ZNG1E: variants seen among roughly 807,000 people sequenced by gnomAD.
ZNG1E encodes zinc-regulated GTPase metalloprotein activator 1E.
At chr9:65,710,237 G>A in the ZNG1E span, among the ~76,000 whole-genome samples, 1 of 146,700 alleles carries the variant, frequency 6.8e-6, no homozygotes, top group Non-Finnish European at 1.5e-5. Context: ...TGAGTTCATT[G>A]TAGATTCTGG....
the ZNG1E span, among the ~76,000 whole-genome samples, chr9:65,671,017 GTTACATATCAAGTT>G: frequency 6.8e-6 from 1 of 146,078 alleles, no homozygotes; most frequent in Non-Finnish European, 1.5e-5. Context: ...ACAAGAGTAG[GTTACATATCAAGTT>G]TTACATATCA....
the ZNG1E span, among the ~76,000 whole-genome samples, chr9:65,677,974 T>A: frequency 1.3e-5 from 2 of 150,314 alleles, no homozygotes; most frequent in Non-Finnish European, 2.9e-5. Flanking sequence ...CATTCCCCCC[T>A]TCCCTTAATA....
At chr9:65,662,339 G>A in the ZNG1E span, among the ~76,000 whole-genome samples, 1 of 152,240 alleles carries the variant, frequency 6.6e-6, no homozygotes, top group African/African-American at 2.4e-5. Flanking sequence ...TGCAATGTGG[G>A]ATTCTGGATT....
the ZNG1E span, among the ~76,000 whole-genome samples, chr9:65,720,972 T>TAAAAA: frequency 7.2e-6 from 1 of 138,834 alleles, no homozygotes; most frequent in African/African-American, 2.9e-5. Context: ...GAATTTATGG[T>TAAAAA]AAAAAAAAAA....
chr9:65,666,793 T>C, the ZNG1E span, among the ~76,000 whole-genome samples: 2 of 151,706 alleles, frequency 1.3e-5, no homozygotes, highest in East Asian at 1.9e-4. Context: ...AGATTAATAA[T>C]ATTCTGCTTA....
the ZNG1E span, among the ~76,000 whole-genome samples, chr9:65,658,389 C>G: frequency 5.3e-5 from 8 of 150,284 alleles, no homozygotes; most frequent in African/African-American, 1.7e-4. Flanking sequence ...GTAAGCAGAG[C>G]AAAAATATAG....
chr9:65,722,617 T>C, the ZNG1E span, among the ~76,000 whole-genome samples: 1 of 83,112 alleles, frequency 1.2e-5, no homozygotes, highest in Non-Finnish European at 2.3e-5. Context: ...TGCAACTTCC[T>C]CCTTCTAGAT....
chr9:65,661,453 G>T, the ZNG1E span, among the ~76,000 whole-genome samples: 5 of 152,080 alleles, frequency 3.3e-5, no homozygotes, highest in Non-Finnish European at 7.4e-5. Context: ...AATTTAATTG[G>T]AATTATTTTT....
At chr9:65,714,670 G>A in the ZNG1E span, among the ~76,000 whole-genome samples, 7 of 152,170 alleles carry the variant, frequency 4.6e-5, no homozygotes, top group African/African-American at 1.4e-4. Flanking sequence ...GCCTCTGCTA[G>A]GGGGTGCCTC....
chr9:65,657,892 G>A, the ZNG1E span, among the ~76,000 whole-genome samples: 1 of 152,280 alleles, frequency 6.6e-6, no homozygotes, highest in African/African-American at 2.4e-5. Flanking sequence ...CCTGAGGTCG[G>A]GAGTTTGAGA....
the ZNG1E span, among the ~76,000 whole-genome samples, chr9:65,684,868 AT>A: frequency 2.0e-5 from 3 of 151,920 alleles, no homozygotes; most frequent in African/African-American, 7.3e-5. Flanking sequence ...AGTCACACAC[AT>A]TTTTTTGTTT....
the ZNG1E span, among the ~76,000 whole-genome samples, chr9:65,685,276 G>T: frequency 6.6e-6 from 1 of 152,270 alleles, no homozygotes; most frequent in Non-Finnish European, 1.5e-5. Context: ...GAAGGTTGGG[G>T]TGGCTATGGC....
At chr9:65,685,675 A>G in the ZNG1E span, among the ~76,000 whole-genome samples, 541 of 149,970 alleles carry the variant, frequency 3.6e-3, no homozygotes, top group African/African-American at 0.013. Context: ...TATTTCCTCC[A>G]TTGAAGTCTG....
At chr9:65,678,042 A>C in the ZNG1E span, among the ~76,000 whole-genome samples, 15 of 150,916 alleles carry the variant, frequency 9.9e-5, no homozygotes, top group Middle Eastern at 7.0e-3. Context: ...AAGGCCCAGC[A>C]TAAATCTGTA....
chr9:65,667,534 A>G, the ZNG1E span, among the ~76,000 whole-genome samples: 1 of 152,284 alleles, frequency 6.6e-6, no homozygotes, highest in Non-Finnish European at 1.5e-5. Flanking sequence ...ATTATTAAAC[A>G]TACAAGCTAT....
chr9:65,677,509 C>G, the ZNG1E span, among the ~76,000 whole-genome samples: 4 of 152,270 alleles, frequency 2.6e-5, no homozygotes, highest in African/African-American at 9.6e-5. Flanking sequence ...CTTAACATGT[C>G]TGAAACTTCG....
At chr9:65,672,451 A>AG in the ZNG1E span, among the ~76,000 whole-genome samples, 1 of 147,902 alleles carries the variant, frequency 6.8e-6, no homozygotes, top group Middle Eastern at 3.4e-3. Context: ...TTATAAGTTA[A>AG]AAAAAAAAAA....
chr9:65,714,262 T>A, the ZNG1E span, among the ~76,000 whole-genome samples: 4 of 131,568 alleles, frequency 3.0e-5, no homozygotes, highest in East Asian at 8.8e-4. Flanking sequence ...TTCTTCAAAA[T>A]TTTTTCCAAA....
the ZNG1E span, among the ~76,000 whole-genome samples, chr9:65,690,085 CTG>C: frequency 1.5e-5 from 2 of 130,456 alleles, no homozygotes; most frequent in Non-Finnish European, 3.2e-5. Context: ...TGAGTAATCA[CTG>C]TAAACAGCTG....
Sources: allele counts gnomAD v4.1 joint callset (sites outside exome capture counted in the v4.1 genomes callset), GRCh38; gene constraint gnomAD v4.1.1; transcripts MANE v1.5; gene names NCBI Gene and HGNC (gene_info 2026-07-23, HGNC 2026-07-21).